Variants in FUNDC1 observed in about 807,000 individuals in gnomAD.
FUNDC1 encodes FUN14 domain containing 1.
Under a neutral mutation model 14.5 loss-of-function variants are expected in FUNDC1, and 10 were observed. That is an observed-to-expected ratio of 0.69 (90% CI 0.43 to 1.17). The LOEUF is 1.17. Among genes scored for constraint, FUNDC1 ranks in the 50% most tolerant of loss-of-function variants. FUNDC1 has a pLI of 0.00. For missense variants in FUNDC1, 115 were observed against 113.8 expected (o/e 1.01, Z -0.05); for synonymous variants, 33 against 39.7 (o/e 0.83, Z 0.64).
rs752506499 is a variant in FUNDC1 at position 44,524,195 on chromosome X, T to A, written c.*3A>T. ...AATCCGTTATGGGAGAATATTCATG[T>A]CCTTAAGATGCAAGTCCGAGCAAAA... On this transcript the variant is annotated 3_prime_UTR_variant, in exon 5 of 5. Coordinates refer to ENST00000378045, the MANE Select transcript of FUNDC1 (RefSeq NM_173794.4). The A allele has an allele frequency of 1.7e-6, 2 of 1,160,726 alleles. No individual in the cohort carries two copies. The highest frequency in any genetic ancestry group is 2.4e-6 in the Non-Finnish European group (2 of 849,226).
rs762260589 is a variant in FUNDC1, at chrX:44,534,199, A to G, written c.261+4268T>C. The stretch of plus-strand genomic sequence containing the variant: ...TGTTCTACCAAATCTAAGAAAGAAA[A>G]AAAAAAAATTATTAGGCCAAGCAGT... On this transcript the variant is annotated intron_variant, in intron 3 of 4. Coordinates refer to ENST00000378045, the MANE Select transcript of FUNDC1 (RefSeq NM_173794.4). Among the ~76,000 whole-genome samples, 48 of 110,826 alleles carry G rather than the reference A, an allele frequency of 4.3e-4. No individual in the cohort carries two copies. The South Asian group carries it at 0.017, about 40-fold the overall frequency.
chrX:44,537,413 C>T (rs929506451), intron 3 of FUNDC1, among the ~76,000 whole-genome samples: 1 of 111,926 alleles, frequency 8.9e-6, no homozygotes, highest in African/African-American at 3.2e-5. Flanking sequence ...AAGTCAAAAT[C>T]AGCTTAAGTA....
rs2038974005 is a variant in FUNDC1, at chrX:44,542,007, C to T, written c.123G>A (p.Ser41=). ...CTGAGTATTTTTCTACCATAGGTCC[C>T]GAACTGTGGCCAAACACTCGATTCC... ...QWWNRVFGHS[S]GPMVEKYSVA... is the part of the protein sequence containing the mutation. The change falls in exon 2 of 5, where the codon TCG becomes TCA. Residue 41 remains serine (S), a synonymous_variant. Coordinates refer to ENST00000378045, the MANE Select transcript of FUNDC1 (RefSeq NM_173794.4). 1 of 1,205,732 alleles carries T rather than the reference C, an allele frequency of 8.3e-7. No homozygotes were observed. The highest frequency in any genetic ancestry group is 1.1e-6 in the Non-Finnish European group (1 of 891,292).
At chrX:44,532,403 A>T (rs2147473614) in intron 3 of FUNDC1, among the ~76,000 whole-genome samples, 1 of 106,995 alleles carries the variant, frequency 9.3e-6, no homozygotes, top group East Asian at 2.9e-4. Context: ...CAGAAAAAAA[A>T]AAAAAAAAAA....
chrX:44,538,379 T>A (rs2038957221), intron 3 of FUNDC1, 88 bp downstream of exon 3: 2 of 642,663 alleles, frequency 3.1e-6, no homozygotes, highest in African/African-American at 4.4e-5. Flanking sequence ...CTTCCAAAAC[T>A]CATTGTAGCT....
intron 3 of FUNDC1, among the ~76,000 whole-genome samples, chrX:44,529,185 C>T (rs2038913375): frequency 9.0e-6 from 1 of 110,740 alleles, no homozygotes; most frequent in Non-Finnish European, 1.9e-5. Context: ...ACCCCTTATC[C>T]ACCCCCCAAT....
At chrX:44,534,290 C>G (rs1265187556) in intron 3 of FUNDC1, among the ~76,000 whole-genome samples, 1 of 109,153 alleles carries the variant, frequency 9.2e-6, no homozygotes, top group African/African-American at 3.3e-5. Flanking sequence ...TTGAGACCAG[C>G]CTGGGCAACA....
At chrX:44,532,396 A>G (rs1339425237) in intron 3 of FUNDC1, among the ~76,000 whole-genome samples, 3 of 84,798 alleles carry the variant, frequency 3.5e-5, no homozygotes, top group Non-Finnish European at 6.3e-5. Flanking sequence ...TCTGTCTCAG[A>G]AAAAAAAAAA....
At chrX:44,525,348 C>T (rs1390442160) in intron 4 of FUNDC1, among the ~76,000 whole-genome samples, 1 of 107,825 alleles carries the variant, frequency 9.3e-6, no homozygotes, top group Non-Finnish European at 1.9e-5. Context: ...TGCATGCCAC[C>T]GTTCTAATTT....
At chrX:44,531,234 C>CTGTTTCCA (rs200698349) in intron 3 of FUNDC1, among the ~76,000 whole-genome samples, 3,663 of 81,700 alleles carry the variant, frequency 0.045, 329 homozygotes, top group Middle Eastern at 0.083. Flanking sequence ...GAGAGTGAGA[C>CTGTTTCCA]TGTTTCCAGA....
chrX:44,532,617 A>G (rs1307331066), intron 3 of FUNDC1, among the ~76,000 whole-genome samples: 1 of 106,458 alleles, frequency 9.4e-6, no homozygotes, highest in Non-Finnish European at 1.9e-5. Flanking sequence ...CAATGACATG[A>G]TCTCGGCTCA....
At chrX:44,530,690 CAG>C (rs2038918875) in intron 3 of FUNDC1, among the ~76,000 whole-genome samples, 1 of 110,715 alleles carries the variant, frequency 9.0e-6, no homozygotes, top group Non-Finnish European at 1.9e-5. Flanking sequence ...CCAAGGTGGG[CAG>C]ATCACTTGAG....
chrX:44,527,909 CT>C (rs1325594374), intron 3 of FUNDC1, among the ~76,000 whole-genome samples: 5 of 111,879 alleles, frequency 4.5e-5, no homozygotes, highest in Non-Finnish European at 9.4e-5. Flanking sequence ...ATTAAGAATA[CT>C]TTCTGGTAAT....
intron 3 of FUNDC1, among the ~76,000 whole-genome samples, chrX:44,533,386 T>C (rs937645190): frequency 9.1e-6 from 1 of 109,754 alleles, no homozygotes; most frequent in Non-Finnish European, 1.9e-5. Context: ...TCCCAGCACT[T>C]TGGGAGGCCG....
At chrX:44,531,444 C>T (rs1313393085) in intron 3 of FUNDC1, among the ~76,000 whole-genome samples, 1 of 107,441 alleles carries the variant, frequency 9.3e-6, no homozygotes, top group Non-Finnish European at 1.9e-5. Context: ...TTGTGAACTT[C>T]ACCATATGCT....
intron 3 of FUNDC1, among the ~76,000 whole-genome samples, chrX:44,537,212 T>C (rs902744536): frequency 3.6e-5 from 4 of 111,954 alleles, no homozygotes; most frequent in African/African-American, 1.3e-4. Context: ...GAATGGTGCA[T>C]ATTGAGTGAA....
intron 3 of FUNDC1, among the ~76,000 whole-genome samples, chrX:44,534,389 C>T (rs1157204474): frequency 2.7e-5 from 3 of 109,839 alleles, no homozygotes; most frequent in Non-Finnish European, 5.7e-5. Context: ...ACAACTGGTC[C>T]AGGAGATCCA....
intron 4 of FUNDC1, among the ~76,000 whole-genome samples, chrX:44,526,123 A>C (rs1408448323): frequency 3.4e-3 from 141 of 41,056 alleles, no homozygotes; most frequent in Admixed American, 8.8e-3. Flanking sequence ...AAAAAAAACA[A>C]AAAAAAAAAA....
intron 4 of FUNDC1, 151 bp from the exon 5 acceptor site, chrX:44,524,426 C>A: frequency 2.3e-6 from 1 of 434,331 alleles, no homozygotes; most frequent in Admixed American, 3.9e-5. Context: ...GAATACAGAT[C>A]ATTAAGAGCT....
Sources: gnomAD v4.1 joint callset for allele counts (sites outside exome capture counted in the v4.1 genomes callset) on GRCh38, gnomAD v4.1.1 for gene constraint, MANE v1.5 for transcripts, NCBI Gene and HGNC (gene_info 2026-07-23, HGNC 2026-07-21) for gene names.